The following ELAPOR2 variants were observed in gnomAD, a reference collection of about 807,000 sequenced individuals.
ELAPOR2 encodes endosome/lysosome-associated apoptosis and autophagy regulator family member 2.
Under a neutral mutation model 120.7 loss-of-function variants are expected in ELAPOR2, and 89 were observed. The observed-to-expected ratio is 0.74, with a 90% CI of 0.62 to 0.88. The LOEUF (loss-of-function observed/expected upper bound fraction) is 0.88, where lower values mean the gene tolerates loss of function less well. ELAPOR2 is among the 40% of genes least tolerant of loss of function. The pLI, the probability that ELAPOR2 is intolerant of heterozygous loss-of-function variation, is 0.00. For synonymous variants in ELAPOR2, 444 were observed against 444.9 expected (o/e 1.00, Z 0.03); for missense variants, 1,134 against 1,251.6 (o/e 0.91, Z 1.42).
chr7:86,960,013 C>T (rs945926318), intron 2 of ELAPOR2, among the ~76,000 whole-genome samples: 8 of 152,028 alleles, frequency 5.3e-5, no homozygotes, highest in African/African-American at 1.9e-4. Flanking sequence ...ATCAACTTTC[C>T]CATTTTCCTT....
chr7:86,894,233 T>C (rs990111249), intron 19 of ELAPOR2, among the ~76,000 whole-genome samples: 19 of 152,096 alleles, frequency 1.2e-4, no homozygotes, highest in African/African-American at 4.3e-4. Context: ...GTTAGTACAT[T>C]ATAACTGAAA....
chr7:87,050,046 G>A (rs762802009), intron 1 of ELAPOR2, among the ~76,000 whole-genome samples: 158 of 152,210 alleles, frequency 1.0e-3, no homozygotes, highest in Middle Eastern at 3.4e-3. Flanking sequence ...TAGCAAGGAG[G>A]CCCTCACCTG....
chr7:86,942,367 T>C (rs1790835430), intron 4 of ELAPOR2, among the ~76,000 whole-genome samples: 1 of 151,910 alleles, frequency 6.6e-6, no homozygotes. Context: ...ACACTGACAA[T>C]GCACACTAAC....
chr7:86,939,759 A>C (rs1257945555), intron 6 of ELAPOR2, among the ~76,000 whole-genome samples: 1 of 152,110 alleles, frequency 6.6e-6, no homozygotes, highest in Non-Finnish European at 1.5e-5. Flanking sequence ...TTGTTTACAG[A>C]CATCTAAAAT....
chr7:86,987,727 G>C (rs1354979192), intron 1 of ELAPOR2, among the ~76,000 whole-genome samples: 1 of 151,628 alleles, frequency 6.6e-6, no homozygotes, highest in African/African-American at 2.4e-5. Flanking sequence ...GGAGAAATAG[G>C]AACGCTTTTA....
intron 18 of ELAPOR2, among the ~76,000 whole-genome samples, chr7:86,902,250 C>G (rs1044559723): frequency 1.1e-4 from 17 of 152,122 alleles, no homozygotes; most frequent in African/African-American, 4.1e-4. Context: ...GATCTCAGCT[C>G]ACCACAACCT....
chr7:87,058,478 T>C (rs1239496574), intron 1 of ELAPOR2, among the ~76,000 whole-genome samples: 1 of 152,126 alleles, frequency 6.6e-6, no homozygotes, highest in Non-Finnish European at 1.5e-5. Context: ...TTCTGAACAC[T>C]AAATGGAAAG....
intron 1 of ELAPOR2, among the ~76,000 whole-genome samples, chr7:87,047,001 G>A (rs992494733): frequency 1.3e-5 from 2 of 152,052 alleles, no homozygotes; most frequent in African/African-American, 4.8e-5. Flanking sequence ...ATAGACCAAT[G>A]GGAACAGAAT....
At chr7:86,962,633 T>C (rs1231882256) in intron 2 of ELAPOR2, among the ~76,000 whole-genome samples, 2 of 152,174 alleles carry the variant, frequency 1.3e-5, no homozygotes, top group Non-Finnish European at 2.9e-5. Flanking sequence ...CCGGGCTATA[T>C]GACATAAGGT....
intron 1 of ELAPOR2, among the ~76,000 whole-genome samples, chr7:87,046,235 A>G (rs1794952737): frequency 6.6e-6 from 1 of 152,194 alleles, no homozygotes; most frequent in Non-Finnish European, 1.5e-5. Context: ...CTAGGAATCA[A>G]CTTAACCAAA....
chr7:86,917,743 A>C (rs1228818472), intron 12 of ELAPOR2, among the ~76,000 whole-genome samples: 1 of 152,154 alleles, frequency 6.6e-6, no homozygotes, highest in Non-Finnish European at 1.5e-5. Flanking sequence ...AAGTCTCCTC[A>C]CATTTTACAT....
intron 1 of ELAPOR2, chr7:86,965,936 A>C (rs1456455629): frequency 2.0e-6 from 2 of 985,250 alleles, no homozygotes; most frequent in Non-Finnish European, 2.4e-6. Context: ...GGACATCAGG[A>C]ATGAGAAGGC....
Position 86,926,922 on chromosome 7 carries a change from A to C in ELAPOR2, c.1090-6T>G. The C allele has an allele frequency of 2.4e-6, 2 of 841,138 alleles. No individual in the cohort carries two copies. Among genetic ancestry groups the C allele is most frequent in the Non-Finnish European group, 3.2e-6 (2 of 622,920 alleles). The allele number at this position is 841,138 out of a possible 1,614,324, so 52.1% of individuals were successfully genotyped here. On this transcript the variant is annotated splice_region_variant and splice_polypyrimidine_tract_variant and intron_variant, in intron 8 of 21. Coordinates refer to ENST00000450689, the MANE Select transcript of ELAPOR2 (RefSeq NM_001142749.3). ...CACTTGTACATTATCTGTGTCTACA[A>C]AAAAAAAAAAAAAAAAAAAGCAACC...
chr7:87,059,091 C>A (rs1292890312), intron 1 of ELAPOR2, among the ~76,000 whole-genome samples: 1 of 151,974 alleles, frequency 6.6e-6, no homozygotes, highest in East Asian at 1.9e-4. Flanking sequence ...GCAGAGCCCC[C>A]AAAAGACACA....
chr7:87,039,011 G>A (rs1794676297), intron 1 of ELAPOR2, among the ~76,000 whole-genome samples: 1 of 151,324 alleles, frequency 6.6e-6, no homozygotes, highest in South Asian at 2.1e-4. Flanking sequence ...AAACAAAATT[G>A]ACAAAACTTT....
At chr7:86,888,235 T>G (rs527874443) in intron 21 of ELAPOR2, among the ~76,000 whole-genome samples, 1 of 152,076 alleles carries the variant, frequency 6.6e-6, no homozygotes, top group African/African-American at 2.4e-5. Context: ...ATAAAATGCC[T>G]TTATCCCTCT....
intron 1 of ELAPOR2, among the ~76,000 whole-genome samples, chr7:86,975,988 G>A (rs1395658476): frequency 1.3e-5 from 2 of 152,148 alleles, no homozygotes. Flanking sequence ...AGATCCCTGT[G>A]GTTGGAGTAC....
In ELAPOR2 at chr7:86,912,185, G is replaced by A; in HGVS notation, c.2056C>T (p.His686Tyr). 6.2e-7 allele frequency: 1 copy of A among 1,609,964 alleles called. No homozygotes were observed. The highest frequency in any genetic ancestry group is 1.1e-5 in the South Asian group (1 of 90,840). The change falls in exon 15 of 22, where the codon CAC (histidine) becomes TAC (tyrosine). Residue 686 changes from histidine (H) to tyrosine (Y), a missense_variant. His to Tyr is a moderately conservative substitution (Grantham distance 83). This residue lies in a region of ELAPOR2 where 831 missense variants were observed against 867.6 expected (regional missense o/e 0.96). Transcript: ENST00000450689. The stretch of plus-strand genomic sequence containing the variant: ...CTGCTGAGGTTGCTAAAGTCATAGT[G>A]CAAACTCTGATTTTCTTTTTCATGG... ...FYHEKENQSL[H>Y]YDFSNLSSVG...
chr7:87,040,804 C>G (rs549434953), intron 1 of ELAPOR2, among the ~76,000 whole-genome samples: 78 of 152,274 alleles, frequency 5.1e-4, no homozygotes, highest in Non-Finnish European at 9.9e-4. Flanking sequence ...TTCAGACAAT[C>G]AAATTACTCT....
Sources: allele counts gnomAD v4.1 joint callset (sites outside exome capture counted in the v4.1 genomes callset), GRCh38; gene constraint gnomAD v4.1.1; regional missense constraint gnomAD v4.1.1; transcripts MANE v1.5; gene names NCBI Gene and HGNC (gene_info 2026-07-23, HGNC 2026-07-21).